CLIP2: variants seen among roughly 807,000 people sequenced by gnomAD.
CLIP2 encodes the protein CAP-Gly domain containing linker protein 2, also known as CAP-Gly domain-containing linker protein 2.
A neutral mutation model predicts 111.7 loss-of-function variants in CLIP2; 41 were observed. The observed-to-expected ratio is 0.37, with a 90% CI of 0.29 to 0.48. The LOEUF (loss-of-function observed/expected upper bound fraction) is 0.48, where lower values mean the gene tolerates loss of function less well. Ranked by LOEUF, CLIP2 falls within the 20% of genes least tolerant of loss-of-function variation. CLIP2 has a pLI of 0.99. For synonymous variants in CLIP2, 660 were observed against 644.2 expected (o/e 1.02, Z -0.37); for missense variants, 1,160 against 1,422.1 (o/e 0.82, Z 2.96).
intron 9 of CLIP2, among the ~76,000 whole-genome samples, chr7:74,375,336 G>T (rs1354016917): frequency 1.3e-5 from 2 of 151,626 alleles, no homozygotes; most frequent in Non-Finnish European, 2.9e-5. Flanking sequence ...ATCACTTGAG[G>T]CTAGGAGTTC....
At chr7:74,372,175 A>G (rs1790643825) in intron 8 of CLIP2, among the ~76,000 whole-genome samples, 1 of 152,104 alleles carries the variant, frequency 6.6e-6, no homozygotes, top group South Asian at 2.1e-4. Context: ...GGCCTTTGTC[A>G]GCAGATGAAG....
chr7:74,382,224 C>T (rs1790963238), intron 11 of CLIP2, among the ~76,000 whole-genome samples: 1 of 150,456 alleles, frequency 6.6e-6, no homozygotes, highest in African/African-American at 2.4e-5. Context: ...GCTGGGATTA[C>T]AGGCATGCAC....
intron 12 of CLIP2, among the ~76,000 whole-genome samples, chr7:74,387,609 C>T (rs1791151041): frequency 1.3e-5 from 2 of 152,180 alleles, no homozygotes; most frequent in East Asian, 1.9e-4. Flanking sequence ...GACAGCCCCC[C>T]TCCTCGGAAA....
intron 13 of CLIP2, among the ~76,000 whole-genome samples, chr7:74,394,474 T>TC (rs1422736159): frequency 1.3e-5 from 2 of 152,118 alleles, no homozygotes; most frequent in Admixed American, 1.3e-4. Flanking sequence ...GGTCTCAAAC[T>TC]CCCGACCTCA....
chr7:74,305,449 C>T (rs1400248186), intron 1 of CLIP2, among the ~76,000 whole-genome samples: 1 of 152,140 alleles, frequency 6.6e-6, no homozygotes, highest in Non-Finnish European at 1.5e-5. Context: ...CCCCCACCTC[C>T]CTCCCAGTGT....
rs1790774597 is a variant in CLIP2 at position 74,376,051 on chromosome 7, C to G, written c.1650C>G (p.Leu550=). The change falls in exon 10 of 17, where the codon CTC becomes CTG. Residue 550 remains leucine (L), a synonymous_variant. Transcript: ENST00000223398. The surrounding 1 kb of genome is among the most constrained non-coding windows in gnomAD (Gnocchi z 7.1). ...TCCTGCGGCTACGGGAGCGGCTGCT[C>G]TCGGCCAGCAAGGAACACCAGAGGG... is the stretch of plus-strand genomic sequence containing the variant. The part of the protein sequence containing the change: ...AEILRLRERL[L]SASKEHQRES... 2 of 1,612,776 alleles carry G rather than the reference C, an allele frequency of 1.2e-6. No individual in the cohort carries two copies. The highest frequency in any genetic ancestry group is 1.7e-6 in the Non-Finnish European group (2 of 1,179,918).
At chr7:74,397,767 C>T (rs147762697) in intron 14 of CLIP2, among the ~76,000 whole-genome samples, 1,718 of 148,476 alleles carry the variant, frequency 0.012, 35 homozygotes, top group African/African-American at 0.041. Flanking sequence ...CCCTGGTTCA[C>T]ACCATTCTCC....
intron 8 of CLIP2, chr7:74,364,767 A>C: frequency 2.3e-6 from 1 of 441,130 alleles, no homozygotes; most frequent in Non-Finnish European, 4.5e-6. Flanking sequence ...TCACACCTAT[A>C]ATCCCAGCAC....
At chr7:74,390,170 AAAGAAAGAAAG>A (rs1440956694) in intron 13 of CLIP2, among the ~76,000 whole-genome samples, 1 of 28,748 alleles carries the variant, frequency 3.5e-5, no homozygotes, top group African/African-American at 8.3e-5. Flanking sequence ...AAGAAGAAAG[AAAGAAAGAAAG>A]AAAGAAAGAA....
At chr7:74,368,699 T>A (rs1790524304) in intron 8 of CLIP2, among the ~76,000 whole-genome samples, 1 of 152,154 alleles carries the variant, frequency 6.6e-6, no homozygotes, top group African/African-American at 2.4e-5. Flanking sequence ...CCAAAGTCCA[T>A]TCTCCACACT....
At position 74,403,987 on chromosome 7, in the gene CLIP2, G is replaced by A. The variant is rs1791696617; in HGVS notation, c.*139G>A. 7.5e-6 allele frequency: 7 copies of A among 934,160 alleles called. No homozygotes were observed. Among genetic ancestry groups the A allele is most frequent in the South Asian group, 2.6e-5 (2 of 76,378 alleles). 57.9% of individuals were successfully genotyped at this position (934,160 alleles called of 1,614,324 possible). A position where few individuals can be genotyped will look rare whatever the true frequency, so the allele number is the denominator to read the frequency against. ...TTGTAACAATAACGTACTCACCGCCGCGGACAATCCCCCACCCCGATCCCT... is the reference window on the plus strand; with the variant it reads ...TTGTAACAATAACGTACTCACCGCCACGGACAATCCCCCACCCCGATCCCT... On this transcript the variant is annotated 3_prime_UTR_variant, in exon 17 of 17. Coordinates refer to ENST00000223398, the MANE Select transcript of CLIP2 (RefSeq NM_003388.5).
intron 7 of CLIP2, among the ~76,000 whole-genome samples, chr7:74,362,208 T>C (rs1790347627): frequency 6.6e-6 from 1 of 152,136 alleles, no homozygotes; most frequent in Admixed American, 6.6e-5. Flanking sequence ...GTCACCTCCT[T>C]GTAGGACACA....
chr7:74,318,147 T>TA (rs879957991), intron 2 of CLIP2, among the ~76,000 whole-genome samples: 25 of 131,740 alleles, frequency 1.9e-4, no homozygotes, highest in East Asian at 4.3e-4. Flanking sequence ...GTCTCAAAAA[T>TA]AAAAAAAAAA....
chr7:74,377,688 T>G (rs555166203), intron 10 of CLIP2, among the ~76,000 whole-genome samples: 82 of 152,340 alleles, frequency 5.4e-4, no homozygotes, highest in African/African-American at 1.9e-3. Context: ...GCAGAGATGT[T>G]CAACCCCATT....
At chr7:74,389,602 A>ACT (rs1791219119) in intron 13 of CLIP2, among the ~76,000 whole-genome samples, 1 of 122,326 alleles carries the variant, frequency 8.2e-6, no homozygotes, top group African/African-American at 3.0e-5. Context: ...AAAAAAAAAA[A>ACT]AAAAAAAAAA....
chr7:74,296,614 C>G (rs1788175767), intron 1 of CLIP2, among the ~76,000 whole-genome samples: 1 of 150,042 alleles, frequency 6.7e-6, no homozygotes. Flanking sequence ...GTGGTGAAAC[C>G]CTGTTTCTAC....
At chr7:74,296,679 C>T (rs1554726166) in intron 1 of CLIP2, among the ~76,000 whole-genome samples, 3 of 151,028 alleles carry the variant, frequency 2.0e-5, no homozygotes, top group Admixed American at 6.6e-5. Flanking sequence ...GTCCCAGCTA[C>T]TCGGGAGGCT....
At chr7:74,293,342 C>T (rs73131324) in intron 1 of CLIP2, among the ~76,000 whole-genome samples, 1 of 152,272 alleles carries the variant, frequency 6.6e-6, no homozygotes, top group East Asian at 1.9e-4. Flanking sequence ...TTCATTTTTT[C>T]GGCCTCTCTC....
chr7:74,367,256 T>G (rs1166494533), intron 8 of CLIP2, among the ~76,000 whole-genome samples: 1 of 151,998 alleles, frequency 6.6e-6, no homozygotes, highest in African/African-American at 2.4e-5. Flanking sequence ...AGTGGCGCAA[T>G]CTCTGCTCAC....
Sources: allele counts gnomAD v4.1 joint callset (sites outside exome capture counted in the v4.1 genomes callset), GRCh38; gene constraint gnomAD v4.1.1; non-coding constraint Gnocchi (gnomAD v3.1); transcripts MANE v1.5; gene names NCBI Gene and HGNC (gene_info 2026-07-23, HGNC 2026-07-21).